Variants in BCO1 observed in about 807,000 individuals in gnomAD.
BCO1 encodes the protein beta-carotene oxygenase 1, also known as beta,beta-carotene 15,15'-dioxygenase.
BCO1 carries 54 observed loss-of-function variants against 56.3 expected under a neutral mutation model. The observed-to-expected ratio is 0.96, with a 90% confidence interval of 0.77 to 1.20. The LOEUF (loss-of-function observed/expected upper bound fraction) is 1.20. Ranked by LOEUF, BCO1 falls within the 50% of genes most tolerant of loss-of-function variation. The probability of loss-of-function intolerance (pLI) is 0.00; values close to 1 mark genes in which losing one functional copy is unlikely to be tolerated. For synonymous variants in BCO1, 318 were observed against 266.1 expected (o/e 1.20, Z -1.90); for missense variants, 801 against 690.9 (o/e 1.16, Z -1.79).
chr16:81,276,464 C>T (rs1907563390), intron 7 of BCO1, among the ~76,000 whole-genome samples: 1 of 152,338 alleles, frequency 6.6e-6, no homozygotes, highest in Non-Finnish European at 1.5e-5. Flanking sequence ...CTGCCACAGG[C>T]CCATGAGGTG....
chr16:81,286,934 G>T (rs1189017929), intron 9 of BCO1, among the ~76,000 whole-genome samples: 1 of 152,168 alleles, frequency 6.6e-6, no homozygotes, highest in Non-Finnish European at 1.5e-5. Context: ...AATCAGCCAG[G>T]TGTGGTGGCA....
chr16:81,245,717 G>C, intron 2 of BCO1, 114 bp downstream of exon 2: 1 of 1,373,636 alleles, frequency 7.3e-7, no homozygotes, highest in Non-Finnish European at 1.0e-6. Context: ...GTCTAAATCG[G>C]GTCTCACTGA....
intron 2 of BCO1, among the ~76,000 whole-genome samples, chr16:81,255,146 C>A (rs1906052493): frequency 6.6e-6 from 1 of 152,190 alleles, no homozygotes; most frequent in Admixed American, 6.5e-5. Context: ...GAAACCTCAG[C>A]AGGCTGGATG....
At chr16:81,245,348 G>C in intron 1 of BCO1, 127 bp from the exon 2 acceptor site, 1 of 1,407,486 alleles carries the variant, frequency 7.1e-7, no homozygotes, top group Non-Finnish European at 1.0e-6. Flanking sequence ...AATGACTGTA[G>C]AATAAACGAA....
rs771600734 is a variant in BCO1, at chr16:81,267,628, G to A, written c.620-280G>A. Among the ~76,000 whole-genome samples the A allele has an allele frequency of 1.4e-3, 217 of 152,066 alleles. 1 individual carries two copies. The highest frequency in any genetic ancestry group is 2.1e-3 in the Non-Finnish European group (146 of 67,994). On this transcript the variant is annotated intron_variant, in intron 5 of 10. Transcript: ENST00000258168. Reference sequence around the variant, plus strand: ...ACTCTATCTCAGACAAACCGGTGGAGGCAGGATTTAGCCCCCAGGCTATAG... The same window carrying A: ...ACTCTATCTCAGACAAACCGGTGGAAGCAGGATTTAGCCCCCAGGCTATAG...
chr16:81,259,874 C>A, intron 3 of BCO1, 69 bp downstream of exon 3: 1 of 1,585,770 alleles, frequency 6.3e-7, no homozygotes, highest in African/African-American at 1.3e-5. Context: ...AAATAACCAG[C>A]ATTTGCTCCT....
In BCO1 at chr16:81,290,390, T is replaced by G; in HGVS notation, c.1457T>G (p.Leu486Arg). 1 of 1,614,252 alleles carries G rather than the reference T, an allele frequency of 6.2e-7. No individual in the cohort carries two copies. The highest frequency in any genetic ancestry group is 8.5e-7 in the Non-Finnish European group (1 of 1,180,048). ...ATTGTCTCTACTGATCCCCAAAAGC[T>G]GCCTTTTCTGCTCATTCTGGATGCC... is the stretch of plus-strand genomic sequence containing the variant. ...SAIVSTDPQK[L>R]PFLLILDAKS... Residue 486 changes from leucine (L) to arginine (R), a missense_variant, in exon 11 of 11, where the codon CTG (leucine) becomes CGG (arginine). Physicochemically the swap from Leu to Arg is moderately radical, Grantham distance 102. Transcript: ENST00000258168.
At chr16:81,273,776 C>T (rs1473744553) in intron 7 of BCO1, among the ~76,000 whole-genome samples, 1 of 152,054 alleles carries the variant, frequency 6.6e-6, no homozygotes, top group African/African-American at 2.4e-5. Context: ...GGAAATAAAG[C>T]AGAGGTCTTG....
At chr16:81,275,344 C>G (rs568641840) in intron 7 of BCO1, among the ~76,000 whole-genome samples, 2 of 152,362 alleles carry the variant, frequency 1.3e-5, no homozygotes, top group South Asian at 2.1e-4. Context: ...GGCTTCCGCC[C>G]AGACCGGGGA....
In BCO1 at chr16:81,280,883, C is replaced by A; in HGVS notation, c.1128C>A (p.Ile376=). 6.2e-7 allele frequency: 1 copy of A among 1,613,942 alleles called. No homozygotes were observed. The highest frequency in any genetic ancestry group is 1.1e-5 in the South Asian group (1 of 91,068). The change falls in exon 8 of 11, where the codon ATC becomes ATA. Residue 376 remains isoleucine (I), a synonymous_variant. Coordinates refer to ENST00000258168, the MANE Select transcript of BCO1 (RefSeq NM_017429.3). ...ATGCAGAAGTGGGCACAAATTTAAT[C>A]AAAGTGGCATCTACAACAGCCACGG... ...DKNAEVGTNL[I]KVASTTATAL...
chr16:81,268,320 C>G lies in BCO1; in HGVS notation c.843+189C>G, dbSNP rs571265803. On this transcript the variant is annotated intron_variant, in intron 6 of 10. Coordinates refer to ENST00000258168, the MANE Select transcript of BCO1 (RefSeq NM_017429.3). ...TCAGAATGGCCCCCAGGCCTTTGTA[C>G]CCCCACGGTGATGAGTTATTGGATG... 5.9e-5 allele frequency among the ~76,000 whole-genome samples: 9 copies of G among 152,272 alleles called. No individual in the cohort carries two copies. The East Asian group carries it at 1.7e-3, about 29-fold the overall frequency.
intron 1 of BCO1, among the ~76,000 whole-genome samples, chr16:81,243,450 C>G (rs1031444412): frequency 7.5e-5 from 9 of 120,282 alleles, no homozygotes; most frequent in African/African-American, 1.7e-4. Context: ...GTCTCCTGGT[C>G]TTGATCATTC....
chr16:81,287,995 C>T (rs772661728), intron 10 of BCO1, among the ~76,000 whole-genome samples: 61 of 152,226 alleles, frequency 4.0e-4, no homozygotes, highest in African/African-American at 1.3e-3. Flanking sequence ...TCATACCACA[C>T]GGCACAAGGC....
intron 10 of BCO1, among the ~76,000 whole-genome samples, chr16:81,287,904 T>A (rs1167285080): frequency 3.3e-5 from 5 of 152,160 alleles, no homozygotes; most frequent in Non-Finnish European, 5.9e-5. Context: ...AGAGTTTTTA[T>A]TGGGACTCAG....
chr16:81,279,978 T>C (rs1265290990), intron 7 of BCO1, among the ~76,000 whole-genome samples: 7 of 152,102 alleles, frequency 4.6e-5, no homozygotes, highest in Admixed American at 4.6e-4. Context: ...TTAGTATATT[T>C]CTGGCTGGGC....
rs78677981 is a variant in BCO1 at position 81,249,839 on chromosome 16, G to T, written c.193+4236G>T. Among the ~76,000 whole-genome samples, 595 of 152,280 alleles carry T rather than the reference G, an allele frequency of 3.9e-3. 3 individuals carry two copies. The highest frequency in any genetic ancestry group is 0.013 in the African/African-American group (553 of 41,570). On this transcript the variant is annotated intron_variant, in intron 2 of 10. Coordinates refer to ENST00000258168, the MANE Select transcript of BCO1 (RefSeq NM_017429.3). ...GGTTCATGCCCCATTCTGCTTGGCA[G>T]GCATCATTTTGCCAATCTGTGGCAT...
intron 2 of BCO1, among the ~76,000 whole-genome samples, chr16:81,258,543 T>C (rs1906288065): frequency 6.6e-6 from 1 of 152,140 alleles, no homozygotes. Flanking sequence ...CCACCCCACA[T>C]ATGCAGCCTT....
intron 7 of BCO1, among the ~76,000 whole-genome samples, chr16:81,271,319 T>A (rs1907202300): frequency 6.6e-6 from 1 of 151,846 alleles, no homozygotes; most frequent in Non-Finnish European, 1.5e-5. Context: ...TTCACCATGT[T>A]GCTCAGGCTG....
intron 7 of BCO1, among the ~76,000 whole-genome samples, chr16:81,272,228 C>G (rs1271070843): frequency 6.6e-6 from 1 of 151,268 alleles, no homozygotes; most frequent in Non-Finnish European, 1.5e-5. Context: ...ATTCTCCTTC[C>G]TCAGCCTCCC....
Sources: allele counts gnomAD v4.1 joint callset (sites outside exome capture counted in the v4.1 genomes callset), GRCh38; gene constraint gnomAD v4.1.1; transcripts MANE v1.5; gene names NCBI Gene and HGNC (gene_info 2026-07-23, HGNC 2026-07-21).